COL11A1: variants seen among roughly 807,000 people sequenced by gnomAD.
COL11A1 encodes collagen type XI alpha 1 chain.
In COL11A1, 74 loss-of-function variants were observed where a neutral mutation model predicts 265.2. The ratio of observed to expected loss-of-function variants is 0.28; its 90% CI spans 0.23 to 0.34. The LOEUF (loss-of-function observed/expected upper bound fraction) is 0.34, where lower values mean the gene tolerates loss of function less well. Among genes scored for constraint, COL11A1 ranks in the 10% least tolerant of loss-of-function variants. The pLI is 1.00. For missense variants in COL11A1, 2,165 were observed against 2,263.6 expected (o/e 0.96, Z 0.88); for synonymous variants, 816 against 727.6 (o/e 1.12, Z -1.96).
chr1:102,978,368 T>C (rs914970418), intron 35 of COL11A1, among the ~76,000 whole-genome samples: 2 of 152,170 alleles, frequency 1.3e-5, no homozygotes, highest in African/African-American at 2.4e-5. Context: ...ACAAAATGAG[T>C]ATCAATATGG....
intron 1 of COL11A1, among the ~76,000 whole-genome samples, chr1:103,088,392 G>A (rs1217893547): frequency 6.6e-6 from 1 of 152,000 alleles, no homozygotes; most frequent in Non-Finnish European, 1.5e-5. Context: ...CAATGCCTTC[G>A]AATGATGGTG....
At chr1:103,014,735 A>G (rs1365367081) in intron 12 of COL11A1, 141 bp from the exon 13 acceptor site, 1 of 721,726 alleles carries the variant, frequency 1.4e-6, no homozygotes, top group East Asian at 2.7e-5. Context: ...ATGAATCATG[A>G]GATCTAGTTT....
chr1:102,942,744 T>C (rs878860861), intron 42 of COL11A1, among the ~76,000 whole-genome samples: 1 of 152,096 alleles, frequency 6.6e-6, no homozygotes, highest in South Asian at 2.1e-4. Flanking sequence ...CTCAGTTTAT[T>C]ATTTCATCCT....
At chr1:103,006,205 A>ATAAATAAATAAC (rs1665597837) in intron 16 of COL11A1, 57 bp downstream of exon 16, 1 of 1,409,750 alleles carries the variant, frequency 7.1e-7, no homozygotes, top group East Asian at 2.5e-5. Context: ...AAATAAATAA[A>ATAAATAAATAAC]TAAAACTAAT....
intron 14 of COL11A1, among the ~76,000 whole-genome samples, chr1:103,010,295 G>A (rs2622838): frequency 0.044 from 6,735 of 152,144 alleles, 253 homozygotes; most frequent in African/African-American, 0.098. Context: ...GAGATATTTG[G>A]AAGACTAATA....
chr1:102,935,000 T>C, intron 45 of COL11A1, 60 bp downstream of exon 45: 14 of 1,527,688 alleles, frequency 9.2e-6, no homozygotes, highest in Non-Finnish European at 1.3e-5. Flanking sequence ...TGGGACAGTA[T>C]ACAAATTTAA....
rs1370245794 is a variant in COL11A1 at position 103,003,273 on chromosome 1, G to C, written c.1945-5C>G. 2 of 1,611,692 alleles carry C rather than the reference G, an allele frequency of 1.2e-6. No homozygotes were observed. The highest frequency in any genetic ancestry group is 1.1e-5 in the South Asian group (1 of 90,828). ...ACCCAGCAAACCTCGTGGGCCCTAG[G>C]AGAAAAAGAAAAAGCACGCCTTTAT... is the stretch of plus-strand genomic sequence containing the variant. On this transcript the variant is annotated splice_region_variant and splice_polypyrimidine_tract_variant and intron_variant, in intron 20 of 66. Coordinates refer to ENST00000370096, the MANE Select transcript of COL11A1 (RefSeq NM_001854.4).
At chr1:102,894,710 T>G (rs1228431219) in intron 57 of COL11A1, among the ~76,000 whole-genome samples, 1 of 152,086 alleles carries the variant, frequency 6.6e-6, no homozygotes, top group East Asian at 1.9e-4. Context: ...AAAAACAAAC[T>G]CCAATAGAGT....
At chr1:102,967,292 G>A (rs552053849) in intron 37 of COL11A1, among the ~76,000 whole-genome samples, 25 of 122,352 alleles carry the variant, frequency 2.0e-4, no homozygotes, top group Non-Finnish European at 3.4e-4. Context: ...CCAGGCTGGA[G>A]TGCAGTGGCG....
In COL11A1 at chr1:103,082,817, G is replaced by C. The variant is rs745563977; in HGVS notation, c.262C>G (p.Gln88Glu). 1.9e-6 allele frequency: 3 copies of C among 1,612,930 alleles called. No individual in the cohort carries two copies. The highest frequency in any genetic ancestry group is 1.1e-5 in the South Asian group (1 of 90,976). The change falls in exon 2 of 67, where the codon CAG becomes GAG. Residue 88 changes from glutamine to glutamate, a missense_variant. Gln to Glu is a conservative substitution (Grantham distance 29). Transcript: ENST00000370096. ...KQAQLSAPTK[Q>E]LFPGGTFPED... ...AAAGTGAATATACCTGGAAATAACT[G>C]TTTTGTTGGGGCACTGAGTTGTGCT...
At chr1:103,014,203 G>A (rs1256185323) in intron 13 of COL11A1, among the ~76,000 whole-genome samples, 1 of 151,814 alleles carries the variant, frequency 6.6e-6, no homozygotes, top group Non-Finnish European at 1.5e-5. Flanking sequence ...GAAAGATAAG[G>A]TGCACTAGGT....
At chr1:102,913,418 CTT>C (rs1243610058) in intron 53 of COL11A1, among the ~76,000 whole-genome samples, 1 of 152,038 alleles carries the variant, frequency 6.6e-6, no homozygotes, top group African/African-American at 2.4e-5. Context: ...TATGATTACA[CTT>C]TTCATTATAA....
chr1:103,102,205 C>T (rs1384410839), intron 1 of COL11A1, among the ~76,000 whole-genome samples: 1 of 151,898 alleles, frequency 6.6e-6, no homozygotes, highest in Non-Finnish European at 1.5e-5. Context: ...ACATTAGATG[C>T]ATTCTAAAAC....
chr1:103,045,793 G>C (rs907906255), intron 4 of COL11A1, among the ~76,000 whole-genome samples: 225 of 124,016 alleles, frequency 1.8e-3, no homozygotes, highest in African/African-American at 6.6e-3. Flanking sequence ...AACAGTCCCC[G>C]GTGTGTGACG....
intron 26 of COL11A1, among the ~76,000 whole-genome samples, chr1:102,996,284 A>T (rs1436563202): frequency 6.6e-6 from 1 of 152,096 alleles, no homozygotes; most frequent in African/African-American, 2.4e-5. Flanking sequence ...TACAATATTG[A>T]AATGGACTAA....
chr1:103,079,207 G>A (rs1275933575), intron 2 of COL11A1, among the ~76,000 whole-genome samples: 2 of 151,972 alleles, frequency 1.3e-5, no homozygotes, highest in African/African-American at 4.8e-5. Context: ...GCTAATTTTG[G>A]CCTAAAGTTT....
At chr1:103,074,505 T>C (rs1392081203) in intron 4 of COL11A1, 113 bp downstream of exon 4, 2 of 1,179,380 alleles carry the variant, frequency 1.7e-6, no homozygotes, top group East Asian at 2.5e-5. Context: ...GGTCACCCTT[T>C]AGAGTTTTCA....
chr1:102,912,294 C>A, intron 53 of COL11A1, 82 bp from the exon 54 acceptor site: 1 of 1,076,102 alleles, frequency 9.3e-7, no homozygotes. Flanking sequence ...TGGATGGAAA[C>A]CAACCCTCTT....
At chr1:103,086,999 G>A (rs1271319827) in intron 1 of COL11A1, among the ~76,000 whole-genome samples, 1 of 152,098 alleles carries the variant, frequency 6.6e-6, no homozygotes, top group Non-Finnish European at 1.5e-5. Flanking sequence ...GGATTCTACT[G>A]TTTTATACGC....
Sources: gnomAD v4.1 joint callset for allele counts (sites outside exome capture counted in the v4.1 genomes callset) on GRCh38, gnomAD v4.1.1 for gene constraint, MANE v1.5 for transcripts, NCBI Gene and HGNC (gene_info 2026-07-23, HGNC 2026-07-21) for gene names.